Variants in LRMDA observed in about 807,000 individuals in gnomAD.
LRMDA encodes the protein leucine rich melanocyte differentiation associated.
LRMDA carries 18 observed loss-of-function variants against 29.8 expected under a neutral mutation model. That is an observed-to-expected ratio of 0.60 (90% confidence interval 0.42 to 0.90). The LOEUF is 0.90. Among genes scored for constraint, LRMDA ranks in the 40% least tolerant of loss-of-function variants. The pLI, the probability that LRMDA is intolerant of heterozygous loss-of-function variation, is 0.00. For synonymous variants in LRMDA, 125 were observed against 109.4 expected, an observed-to-expected ratio of 1.14 and a Z score of -0.89; for missense variants, 273 against 273.9, an observed-to-expected ratio of 1.00 and a Z score of 0.02.
intron 6 of LRMDA, among the ~76,000 whole-genome samples, chr10:76,482,928 T>C (rs370734287): frequency 3.9e-5 from 6 of 152,062 alleles, no homozygotes; most frequent in African/African-American, 1.2e-4. Context: ...GGCATAATGT[T>C]CCATATGAAG....
At chr10:75,959,386 A>G (rs1846721897) in intron 2 of LRMDA, among the ~76,000 whole-genome samples, 1 of 152,202 alleles carries the variant, frequency 6.6e-6, no homozygotes, top group Non-Finnish European at 1.5e-5. Flanking sequence ...GGAGCCTAGC[A>G]TACCACATGT....
rs181627857 is a variant in LRMDA, at chr10:76,550,137, A to G, written c.602-7072A>G. On this transcript the variant is annotated intron_variant, in intron 6 of 6. Coordinates refer to ENST00000611255, the MANE Select transcript of LRMDA (RefSeq NM_001305581.2). The stretch of plus-strand genomic sequence containing the variant: ...CCATTGAAAATAAACTCAATAAAAT[A>G]GAAATGAAAATGTTAAAAATAGAAA... Among the ~76,000 whole-genome samples, 3 of 152,378 alleles carry G rather than the reference A, an allele frequency of 2.0e-5. No homozygotes were observed. The East Asian group carries it at 5.8e-4, about 29-fold the overall frequency.
intron 5 of LRMDA, among the ~76,000 whole-genome samples, chr10:76,090,681 A>T (rs1242409148): frequency 6.6e-6 from 1 of 152,224 alleles, no homozygotes; most frequent in Non-Finnish European, 1.5e-5. Flanking sequence ...ATTCAGTGGA[A>T]TATTATTCAG....
intron 6 of LRMDA, among the ~76,000 whole-genome samples, chr10:76,453,468 A>G (rs1397294461): frequency 6.6e-6 from 1 of 152,192 alleles, no homozygotes; most frequent in Non-Finnish European, 1.5e-5. Context: ...CAACAGTGCA[A>G]CATCTGTTTT....
At chr10:76,288,666 A>G (rs1564712322) in intron 5 of LRMDA, among the ~76,000 whole-genome samples, 1 of 152,206 alleles carries the variant, frequency 6.6e-6, no homozygotes, top group African/African-American at 2.4e-5. Context: ...ATTTTATTTA[A>G]CAGTAGAATT....
At chr10:76,447,217 C>T (rs1357068620) in intron 6 of LRMDA, among the ~76,000 whole-genome samples, 2 of 151,894 alleles carry the variant, frequency 1.3e-5, no homozygotes, top group Non-Finnish European at 2.9e-5. Context: ...CTTCTAGTTT[C>T]TATATTGATT....
At chr10:75,970,707 C>T (rs1460913240) in intron 2 of LRMDA, among the ~76,000 whole-genome samples, 2 of 152,202 alleles carry the variant, frequency 1.3e-5, no homozygotes, top group Non-Finnish European at 2.9e-5. Flanking sequence ...TGAAGATGGG[C>T]AGGCCCAGTG....
intron 5 of LRMDA, among the ~76,000 whole-genome samples, chr10:76,312,105 A>T (rs1564720131): frequency 6.6e-6 from 1 of 152,170 alleles, no homozygotes; most frequent in Non-Finnish European, 1.5e-5. Context: ...AATGCTAAAA[A>T]TTTATGGCTG....
intron 2 of LRMDA, among the ~76,000 whole-genome samples, chr10:75,929,293 CTA>C (rs946199487): frequency 3.7e-5 from 4 of 108,314 alleles, no homozygotes; most frequent in African/African-American, 1.2e-4. Flanking sequence ...AATGCATGAT[CTA>C]TGTGTGTGTG....
At chr10:76,243,739 G>A (rs558119936) in intron 5 of LRMDA, among the ~76,000 whole-genome samples, 5 of 152,270 alleles carry the variant, frequency 3.3e-5, no homozygotes, top group South Asian at 4.1e-4. Context: ...ATCTGACAAC[G>A]TAGTGAGAAA....
intron 6 of LRMDA, among the ~76,000 whole-genome samples, chr10:76,443,736 G>C (rs771917851): frequency 2.0e-5 from 3 of 152,088 alleles, no homozygotes; most frequent in Non-Finnish European, 4.4e-5. Flanking sequence ...AACTTACCAT[G>C]GGTTGTAAGG....
intron 5 of LRMDA, among the ~76,000 whole-genome samples, chr10:76,223,976 C>G (rs563623330): frequency 1.5e-4 from 23 of 152,278 alleles, no homozygotes; most frequent in African/African-American, 5.5e-4. Flanking sequence ...CTGGGATCAG[C>G]TACCTGCCAA....
At chr10:76,170,727 T>C (rs11001661) in intron 5 of LRMDA, among the ~76,000 whole-genome samples, 18,349 of 152,238 alleles carry the variant, frequency 0.12, 1,670 homozygotes, top group African/African-American at 0.25. Flanking sequence ...TAAAATTCTA[T>C]AAAATGGTTG....
intron 2 of LRMDA, among the ~76,000 whole-genome samples, chr10:75,866,618 A>G (rs75977403): frequency 0.011 from 1,654 of 152,320 alleles, 38 homozygotes; most frequent in African/African-American, 0.038. Context: ...GAGTACGTCA[A>G]TTAACCTGGC....
chr10:76,143,033 A>G (rs1375119854), intron 5 of LRMDA, among the ~76,000 whole-genome samples: 6 of 152,152 alleles, frequency 3.9e-5, no homozygotes, highest in South Asian at 2.1e-4. Flanking sequence ...ATCATTTTTT[A>G]TGGCTGCATA....
At chr10:76,238,544 G>A (rs1398491598) in intron 5 of LRMDA, among the ~76,000 whole-genome samples, 1 of 150,874 alleles carries the variant, frequency 6.6e-6, no homozygotes, top group East Asian at 2.0e-4. Context: ...TTATTTACAG[G>A]GCATGTCCCA....
At chr10:75,904,012 A>C (rs1845719971) in intron 2 of LRMDA, among the ~76,000 whole-genome samples, 1 of 152,220 alleles carries the variant, frequency 6.6e-6, no homozygotes, top group Non-Finnish European at 1.5e-5. Flanking sequence ...AAAACTACCC[A>C]TAGATTCAAG....
intron 2 of LRMDA, among the ~76,000 whole-genome samples, chr10:75,468,938 G>A (rs568587849): frequency 9.1e-4 from 139 of 152,108 alleles, no homozygotes; most frequent in African/African-American, 3.3e-3. Context: ...AAACTAGGAC[G>A]AGAGGAAAAA....
intron 5 of LRMDA, among the ~76,000 whole-genome samples, chr10:76,116,354 T>G (rs1849668062): frequency 6.6e-6 from 1 of 152,128 alleles, no homozygotes; most frequent in Admixed American, 6.5e-5. Flanking sequence ...GTTTTTAGAT[T>G]TAAAGTGAAC....
Sources: gnomAD v4.1 joint callset for allele counts (sites outside exome capture counted in the v4.1 genomes callset) on GRCh38, gnomAD v4.1.1 for gene constraint, MANE v1.5 for transcripts, NCBI Gene and HGNC (gene_info 2026-07-23, HGNC 2026-07-21) for gene names.